NPLOC4: variants seen among roughly 807,000 people sequenced by gnomAD.
NPLOC4 encodes the protein nuclear protein localization protein 4 homolog.
A neutral mutation model predicts 80.6 loss-of-function variants in NPLOC4; 18 were observed. The observed-to-expected ratio is 0.22, with a 90% CI of 0.15 to 0.33. NPLOC4 has a LOEUF of 0.33. Ranked by LOEUF, NPLOC4 falls within the 10% of genes least tolerant of loss-of-function variation. The pLI is 1.00. For synonymous variants in NPLOC4, 313 were observed against 301.5 expected (o/e 1.04, Z -0.39); for missense variants, 540 against 786.1 (o/e 0.69, Z 3.74).
At chr17:81,631,803 T>A (rs74372286) in intron 1 of NPLOC4, among the ~76,000 whole-genome samples, 1 of 149,764 alleles carries the variant, frequency 6.7e-6, no homozygotes, top group Non-Finnish European at 1.5e-5. Context: ...ATTTAGCTCA[T>A]TTTTTTTTTC....
At chr17:81,581,427 A>T (rs2034439385) in intron 12 of NPLOC4, among the ~76,000 whole-genome samples, 1 of 149,146 alleles carries the variant, frequency 6.7e-6, no homozygotes, top group Non-Finnish European at 1.5e-5. Flanking sequence ...CCCCTTGTCA[A>T]AGTGCCCAAT....
chr17:81,588,901 C>G (rs375263256), intron 12 of NPLOC4, 43 bp downstream of exon 12: 95 of 1,571,162 alleles, frequency 6.0e-5, no homozygotes, highest in Non-Finnish European at 8.0e-5. Context: ...CAGGTTCACA[C>G]CATTCTCCAT....
At position 81,577,416 on chromosome 17, in the gene NPLOC4, C is replaced by A. The variant is rs577542896; in HGVS notation, c.1282-5328G>T. On this transcript the variant is annotated intron_variant, in intron 12 of 16. Transcript: ENST00000331134. This position sits in a 1 kb window ranked among gnomAD's most constrained non-coding sequence, Gnocchi z 4.3. ...CGCCCTCTTCTCTTCTCCCTCTGAA[C>A]CACAGCTTGGCTCATCTACTTCCGG... Among the ~76,000 whole-genome samples, 144 of 152,094 alleles carry A rather than the reference C, an allele frequency of 9.5e-4. 2 individuals carry two copies. In the South Asian group the frequency reaches 0.028, roughly 29 times the overall value.
intron 12 of NPLOC4, among the ~76,000 whole-genome samples, chr17:81,581,877 A>G (rs1598632102): frequency 6.6e-6 from 1 of 152,240 alleles, no homozygotes; most frequent in Admixed American, 6.5e-5. Context: ...GCAGAGGCGC[A>G]GGAATAACTT....
chr17:81,565,778 C>CT (rs2144030311), intron 15 of NPLOC4, among the ~76,000 whole-genome samples, 171 bp from the exon 16 acceptor site: 1 of 152,322 alleles, frequency 6.6e-6, no homozygotes, highest in South Asian at 2.1e-4. Flanking sequence ...TCTATAAACG[C>CT]AAGTGCTAAA....
intron 12 of NPLOC4, among the ~76,000 whole-genome samples, chr17:81,587,108 AG>A (rs1025204939): frequency 6.6e-6 from 1 of 152,250 alleles, no homozygotes; most frequent in African/African-American, 2.4e-5. Context: ...ACCCATAATT[AG>A]AAAAAAAATC....
At chr17:81,596,873 G>A (rs568848868) in intron 10 of NPLOC4, among the ~76,000 whole-genome samples, 3 of 152,162 alleles carry the variant, frequency 2.0e-5, no homozygotes, top group East Asian at 3.9e-4. Flanking sequence ...CCAGCACTCT[G>A]GGAGGCCAAG....
In NPLOC4 at chr17:81,615,100, C is replaced by CTTTCTTTT. The variant is rs749807551; in HGVS notation, c.210-1607_210-1606insAAAAGAAA. Among the ~76,000 whole-genome samples, 168 of 133,536 alleles carry CTTTCTTTT rather than the reference C, an allele frequency of 1.3e-3. 7 individuals carry two copies. The highest frequency in any genetic ancestry group is 1.3e-3 in the Admixed American group (17 of 12,602). The allele number at this position is 133,536 out of a possible 152,430, so 87.6% of individuals were successfully genotyped here. On this transcript the variant is annotated intron_variant, in intron 3 of 16. Transcript: ENST00000331134. ...ATTACCACATCAGAGACGTCTGTTTCTTTTTTTTTTTTTTTTTGAGACAGA... is the reference window on the plus strand; with the variant it reads ...ATTACCACATCAGAGACGTCTGTTTCTTTCTTTTTTTTTTTTTTTTTTTTTGAGACAGA...
intron 3 of NPLOC4, among the ~76,000 whole-genome samples, chr17:81,619,915 G>C (rs2035620751): frequency 2.6e-5 from 4 of 151,886 alleles, no homozygotes. Context: ...GCACCCCATG[G>C]TCCTGCTGAG....
At chr17:81,611,731 C>T (rs894478371) in intron 4 of NPLOC4, among the ~76,000 whole-genome samples, 1 of 151,486 alleles carries the variant, frequency 6.6e-6, no homozygotes, top group Non-Finnish European at 1.5e-5. Context: ...GAGGCCGAGG[C>T]GGGTGGATCA....
At chr17:81,569,928 T>A (rs1281091988) in intron 13 of NPLOC4, among the ~76,000 whole-genome samples, 2 of 152,246 alleles carry the variant, frequency 1.3e-5, no homozygotes, top group Non-Finnish European at 1.5e-5. Flanking sequence ...CGAGTTGAGT[T>A]GATGCTGCTT....
At chr17:81,570,609 C>T (rs912230261) in intron 13 of NPLOC4, among the ~76,000 whole-genome samples, 1 of 152,220 alleles carries the variant, frequency 6.6e-6, no homozygotes, top group Non-Finnish European at 1.5e-5. Context: ...CCATCTTACA[C>T]TGAAGCCATT....
At chr17:81,604,132 C>T (rs2035136758) in intron 8 of NPLOC4, among the ~76,000 whole-genome samples, 1 of 152,076 alleles carries the variant, frequency 6.6e-6, no homozygotes, top group Non-Finnish European at 1.5e-5. Context: ...GTTTTTGTTA[C>T]TCTGGTGACA....
At position 81,572,109 on chromosome 17, in the gene NPLOC4, C is replaced by T. The variant is rs1489806078; in HGVS notation, c.1282-21G>A. ...ACGTCCTGCAATAGTCAGAGGGGAACAGCGGTGAGCAAAGACGATCAGTAG... is the reference window on the plus strand; with the variant it reads ...ACGTCCTGCAATAGTCAGAGGGGAATAGCGGTGAGCAAAGACGATCAGTAG... On this transcript the variant is annotated intron_variant, in intron 12 of 16. Transcript: ENST00000331134. This position sits in a 1 kb window ranked among gnomAD's most constrained non-coding sequence, Gnocchi z 4.5. The T allele has an allele frequency of 6.4e-7, 1 of 1,567,848 alleles. No individual in the cohort carries two copies. Among genetic ancestry groups the T allele is most frequent in the East Asian group, 2.3e-5 (1 of 44,422 alleles).
chr17:81,634,649 A>C (rs528206457), intron 1 of NPLOC4, among the ~76,000 whole-genome samples: 11 of 150,932 alleles, frequency 7.3e-5, no homozygotes, highest in Admixed American at 4.6e-4. Context: ...GCAGTGGCGC[A>C]ATCTGGGCTC....
intron 12 of NPLOC4, among the ~76,000 whole-genome samples, chr17:81,587,311 A>ATTT (rs1440835639): frequency 6.6e-6 from 1 of 151,804 alleles, no homozygotes; most frequent in Non-Finnish European, 1.5e-5. Context: ...CTGTCTCTTT[A>ATTT]TTTTTTTATT....
rs1438669278 is a variant in NPLOC4 at position 81,629,757 on chromosome 17, T to G, written c.64A>C (p.Lys22Gln). ...PDGVKRITAT[K>Q]RETAATFLKK... is the part of the protein sequence containing the mutation. ...AAAAATGTTGCTGCTGTTTCTCTCT[T>G]TGTTGCTGTGATCCGCTTCACTCCA... is the stretch of plus-strand genomic sequence containing the variant. The change falls in exon 2 of 17, where the codon AAG becomes CAG. Residue 22 changes from lysine (K) to glutamine (Q), a missense_variant. Physicochemically the swap from Lys to Gln is moderately conservative, Grantham distance 53. This residue lies in a region of NPLOC4 where 62 missense variants were observed against 84.4 expected (regional missense o/e 0.73). Transcript: ENST00000331134. 2 of 1,613,928 alleles carry G rather than the reference T, an allele frequency of 1.2e-6. No homozygotes were observed. The highest frequency in any genetic ancestry group is 3.3e-5 in the Admixed American group (2 of 60,004).
intron 12 of NPLOC4, among the ~76,000 whole-genome samples, chr17:81,576,832 G>C (rs1007455669): frequency 6.6e-6 from 1 of 152,192 alleles, no homozygotes; most frequent in Non-Finnish European, 1.5e-5. Flanking sequence ...TCCTGGGCCT[G>C]CCTGGTCCTT....
chr17:81,602,530 C>T (rs1568145936), intron 8 of NPLOC4, among the ~76,000 whole-genome samples: 1 of 151,908 alleles, frequency 6.6e-6, no homozygotes, highest in Non-Finnish European at 1.5e-5. Flanking sequence ...TGGTGAAACC[C>T]TGTCTCTACT....
Sources: gnomAD v4.1 joint callset for allele counts (sites outside exome capture counted in the v4.1 genomes callset) on GRCh38, gnomAD v4.1.1 for gene constraint, gnomAD v4.1.1 regional missense constraint, Gnocchi (gnomAD v3.1) non-coding constraint, MANE v1.5 for transcripts, NCBI Gene and HGNC (gene_info 2026-07-23, HGNC 2026-07-21) for gene names.